The following ZDHHC21 variants were observed in gnomAD, a reference collection of about 807,000 sequenced individuals.
ZDHHC21 encodes zDHHC palmitoyltransferase 21.
In ZDHHC21, 15 loss-of-function variants were observed where a neutral mutation model predicts 34.6. The ratio of observed to expected loss-of-function variants is 0.43; its 90% CI spans 0.29 to 0.67. The LOEUF is 0.67. Ranked by LOEUF, ZDHHC21 falls within the 30% of genes least tolerant of loss-of-function variation. ZDHHC21 has a pLI of 0.14. For missense variants in ZDHHC21, 344 were observed against 327.7 expected, an observed-to-expected ratio of 1.05 and a Z score of -0.38; for synonymous variants, 142 against 101.8, an observed-to-expected ratio of 1.40 and a Z score of -2.38.
chr9:14,633,468 C>T (rs955491025), intron 8 of ZDHHC21, among the ~76,000 whole-genome samples: 3 of 152,080 alleles, frequency 2.0e-5, no homozygotes, highest in East Asian at 1.9e-4. Flanking sequence ...ATGAAGGTAC[C>T]GCTCCAGAGA....
intron 6 of ZDHHC21, among the ~76,000 whole-genome samples, chr9:14,660,183 T>G (rs1341481808): frequency 6.6e-6 from 1 of 151,830 alleles, no homozygotes; most frequent in Non-Finnish European, 1.5e-5. Context: ...CTGGCCAACA[T>G]GGTGACAACC....
chr9:14,619,594 C>G (rs768120566), intron 9 of ZDHHC21, 45 bp downstream of exon 9: 1 of 1,320,144 alleles, frequency 7.6e-7, no homozygotes, highest in South Asian at 1.3e-5. Context: ...ATGTCCAGTT[C>G]TTTCCAATTT....
chr9:14,689,618 C>T (rs1838872611), intron 2 of ZDHHC21, among the ~76,000 whole-genome samples: 1 of 152,146 alleles, frequency 6.6e-6, no homozygotes. Flanking sequence ...AGTAGTACTA[C>T]ACTGCAGTAT....
intron 7 of ZDHHC21, 34 bp downstream of exon 7, chr9:14,658,715 C>T (rs780976313): frequency 2.4e-5 from 38 of 1,599,912 alleles, no homozygotes; most frequent in Non-Finnish European, 3.1e-5. Context: ...TCGTGATCCG[C>T]CCGCCTCGGC....
intron 5 of ZDHHC21, among the ~76,000 whole-genome samples, chr9:14,666,635 T>C (rs1168676447): frequency 1.9e-5 from 2 of 107,994 alleles, no homozygotes; most frequent in African/African-American, 3.1e-5. Context: ...AGAACAGAAA[T>C]TATAACAAAC....
chr9:14,690,221 G>C, intron 2 of ZDHHC21, 116 bp downstream of exon 2: 1 of 385,906 alleles, frequency 2.6e-6, no homozygotes, highest in South Asian at 2.0e-5. Flanking sequence ...ACCACACCAA[G>C]AGAGATTGGT....
At position 14,659,663 on chromosome 9, in the gene ZDHHC21, C is replaced by T. The variant is rs565955188; in HGVS notation, c.366-776G>A. On this transcript the variant is annotated intron_variant, in intron 6 of 9. Coordinates refer to ENST00000380916, the MANE Select transcript of ZDHHC21 (RefSeq NM_178566.6). ...ATTTCAAAATAGTATTATACTGTCA[C>T]TGAAAAAGAAACGATGTAACAGGTT... Among the ~76,000 whole-genome samples the T allele has an allele frequency of 3.0e-4, 46 of 152,276 alleles. 2 individuals are homozygous for T. In the South Asian group the frequency reaches 5.4e-3, roughly 18 times the overall value.
At position 14,613,824 on chromosome 9, in the gene ZDHHC21, C is replaced by T. The variant is rs895320949; in HGVS notation, c.*5142G>A. ...CAATAAGAGATTTCCAGAAAAGGTG[C>T]CAGTTTTTTCAAACTTTGGTCAACC... On this transcript the variant is annotated 3_prime_UTR_variant, in exon 10 of 10. Transcript: ENST00000380916. The T allele has an allele frequency of 2.0e-5, 3 of 151,636 alleles. No homozygotes were observed. Among genetic ancestry groups the T allele is most frequent in the African/African-American group, 4.8e-5 (2 of 41,364 alleles). The allele number at this position is 151,636 out of a possible 1,614,324, so 9.4% of individuals were successfully genotyped here. A position where few individuals can be genotyped will look rare whatever the true frequency, so the allele number is the denominator to read the frequency against.
At chr9:14,597,679 A>G in the ZDHHC21 span, among the ~76,000 whole-genome samples, 2 of 152,050 alleles carry the variant, frequency 1.3e-5, no homozygotes, top group African/African-American at 4.8e-5. Context: ...ACCCACTGCT[A>G]CTGCTGCCTC....
At chr9:14,589,821 C>T in the ZDHHC21 span, 5 of 152,176 alleles carry the variant, frequency 3.3e-5, no homozygotes, top group African/African-American at 1.2e-4. Context: ...GCAAGTAATT[C>T]AACTATCAAA....
intron 2 of ZDHHC21, 99 bp downstream of exon 2, chr9:14,690,238 T>C (rs1306108057): frequency 5.0e-6 from 2 of 400,642 alleles, no homozygotes; most frequent in Admixed American, 3.1e-5. Flanking sequence ...TGGTGGGGGG[T>C]TGGGGGTAGA....
chr9:14,669,428 T>G (rs13283672), intron 5 of ZDHHC21, among the ~76,000 whole-genome samples: 6 of 142,920 alleles, frequency 4.2e-5, no homozygotes, highest in African/African-American at 1.5e-4. Flanking sequence ...GTTCAACCAT[T>G]GTGGAAGTCA....
At chr9:14,685,647 G>A (rs978605623) in intron 2 of ZDHHC21, among the ~76,000 whole-genome samples, 3 of 152,162 alleles carry the variant, frequency 2.0e-5, no homozygotes, top group South Asian at 2.1e-4. Flanking sequence ...ACAGTGTGGC[G>A]ATTCCTCAAG....
At chr9:14,679,377 T>C (rs1393764796) in intron 3 of ZDHHC21, among the ~76,000 whole-genome samples, 4 of 152,184 alleles carry the variant, frequency 2.6e-5, no homozygotes, top group African/African-American at 4.8e-5. Flanking sequence ...TGCTTCTGTT[T>C]GAAATTTTTC....
intron 8 of ZDHHC21, chr9:14,622,442 A>C: frequency 1.3e-6 from 1 of 786,550 alleles, no homozygotes; most frequent in Non-Finnish European, 1.5e-6. Context: ...GAAAAGGAGA[A>C]AGAGATATCT....
At chr9:14,678,577 C>G (rs1224063622) in intron 3 of ZDHHC21, among the ~76,000 whole-genome samples, 1 of 151,972 alleles carries the variant, frequency 6.6e-6, no homozygotes, top group Non-Finnish European at 1.5e-5. Flanking sequence ...TATTGGTGGG[C>G]ATGTAAGCTG....
chr9:14,642,868 T>C (rs142062094), intron 7 of ZDHHC21, among the ~76,000 whole-genome samples: 7 of 152,364 alleles, frequency 4.6e-5, no homozygotes, highest in Non-Finnish European at 1.0e-4. Context: ...CTTTATTGTT[T>C]ACATTTCTTC....
intron 8 of ZDHHC21, among the ~76,000 whole-genome samples, chr9:14,628,517 G>A (rs765421351): frequency 6.6e-6 from 1 of 152,034 alleles, no homozygotes. Context: ...AATAGTTTAC[G>A]TAATGAAATG....
chr9:14,609,491 T>TA (rs1404218747), downstream of ZDHHC21, among the ~76,000 whole-genome samples: 1 of 152,084 alleles, frequency 6.6e-6, no homozygotes, highest in Non-Finnish European at 1.5e-5. Flanking sequence ...TGGTTGCCAA[T>TA]AAAAAAATTC....
Sources: gnomAD v4.1 joint callset for allele counts (sites outside exome capture counted in the v4.1 genomes callset) on GRCh38, gnomAD v4.1.1 for gene constraint, MANE v1.5 for transcripts, NCBI Gene and HGNC (gene_info 2026-07-23, HGNC 2026-07-21) for gene names.